Variants in NTSR1 observed in about 807,000 individuals in gnomAD.
NTSR1 encodes the protein neurotensin receptor type 1.
Under a neutral mutation model 31.2 loss-of-function variants are expected in NTSR1, and 29 were observed. The ratio of observed to expected loss-of-function variants is 0.93; its 90% CI spans 0.69 to 1.27. The LOEUF is 1.27. NTSR1 is among the 50% of genes most tolerant of loss of function. The probability of loss-of-function intolerance (pLI) is 0.00; values close to 1 mark genes in which losing one functional copy is unlikely to be tolerated. For synonymous variants in NTSR1, 282 were observed against 269.9 expected, an observed-to-expected ratio of 1.04 and a Z score of -0.44; for missense variants, 697 against 595.4, an observed-to-expected ratio of 1.17 and a Z score of -1.78.
chr20:62,741,244 G>A lies in NTSR1; in HGVS notation c.715-13441G>A, dbSNP rs574337339. On this transcript the variant is annotated intron_variant, in intron 1 of 3. Transcript: ENST00000370501. The surrounding 1 kb of genome is among the most constrained non-coding windows in gnomAD (Gnocchi z 4.3). ...CTGCTGCCAGTCCCGCAGCTCAGCC[G>A]GGCACAGACAGGATGTGGCTTCCAG... 7.9e-5 allele frequency among the ~76,000 whole-genome samples: 12 copies of A among 152,342 alleles called. No homozygotes were observed. The highest frequency in any genetic ancestry group is 2.1e-4 in the South Asian group (1 of 4,830).
At chr20:62,721,529 C>G (rs1988827841) in intron 1 of NTSR1, among the ~76,000 whole-genome samples, 1 of 152,228 alleles carries the variant, frequency 6.6e-6, no homozygotes, top group African/African-American at 2.4e-5. Context: ...GGTTCCAATG[C>G]AGGCCTGTTT....
At position 62,709,231 on chromosome 20, in the gene NTSR1, G is replaced by A. The variant is rs1189100312; in HGVS notation, c.24G>A (p.Pro8=). Residue 8 remains proline (P), a synonymous_variant, in exon 1 of 4, where the codon CCG becomes CCA. Transcript: ENST00000370501. ...CCATGCGCCTCAACAGCTCCGCGCC[G>A]GGAACCCCGGGCACGCCGGCCGCCG... The part of the protein sequence containing the change: MRLNSSA[P]GTPGTPAADP... 2.7e-6 allele frequency: 4 copies of A among 1,490,294 alleles called. No homozygotes were observed. The highest frequency in any genetic ancestry group is 1.3e-5 in the South Asian group (1 of 76,280). The allele number at this position is 1,490,294 out of a possible 1,614,324, so 92.3% of individuals were successfully genotyped here.
chr20:62,709,521 TG>T lies in NTSR1; in HGVS notation c.317del (p.Gly106AlafsTer57). On this transcript the variant is annotated frameshift_variant, in exon 1 of 4. Transcript: ENST00000370501. LOFTEE classifies it high-confidence loss of function. Reference protein sequence around the residue: ...QSLQSTVHYHLGSLALSDLLT... With the variant: ...QSLQSTVHYHXGSLALSDLLT... Reference sequence around the variant, plus strand: ...CTGCAGAGCACGGTGCATTACCACCTGGGCAGCCTGGCGCTGTCCGACCTGC... The same window carrying T: ...CTGCAGAGCACGGTGCATTACCACCTGGCAGCCTGGCGCTGTCCGACCTGC... 6.2e-7 allele frequency: 1 copy of T among 1,612,424 alleles called. No homozygotes were observed. Among genetic ancestry groups the T allele is most frequent in the Middle Eastern group, 1.7e-4 (1 of 6,060 alleles).
rs1323845118 is a variant in NTSR1, at chr20:62,745,354, CAGAGACAGAGAT to C, written c.715-9319_715-9308del. Among the ~76,000 whole-genome samples the C allele has an allele frequency of 2.0e-5, 3 of 151,400 alleles. No homozygotes were observed. Among genetic ancestry groups the C allele is most frequent in the East Asian group, 3.9e-4 (2 of 5,162 alleles). On this transcript the variant is annotated intron_variant, in intron 1 of 3. Transcript: ENST00000370501. The surrounding 1 kb of genome is among the most constrained non-coding windows in gnomAD (Gnocchi z 4.1). ...ACAGAGATACAGAGACACAAGAAAACAGAGACAGAGATAGAGACAGAGACACAGAGATATAGA... is the reference window on the plus strand; with the variant it reads ...ACAGAGATACAGAGACACAAGAAAACAGAGACAGAGACACAGAGATATAGA...
chr20:62,760,104 A>G lies in NTSR1; in HGVS notation c.1094A>G (p.Asn365Ser), dbSNP rs750915516. ...VSSTINPILYNLVSANFRHIF... is the reference protein window; with the variant it reads ...VSSTINPILYSLVSANFRHIF... ...TCCACCATCAACCCCATCCTGTACA[A>G]CCTCGTCTCTGCCAACTTCCGCCAC... Residue 365 changes from asparagine to serine, a missense_variant, in exon 4 of 4, where the codon AAC becomes AGC. Asn to Ser is a conservative substitution (Grantham distance 46). Coordinates refer to ENST00000370501, the MANE Select transcript of NTSR1 (RefSeq NM_002531.3). 6.2e-7 allele frequency: 1 copy of G among 1,613,816 alleles called. No individual in the cohort carries two copies. The highest frequency in any genetic ancestry group is 8.5e-7 in the Non-Finnish European group (1 of 1,179,952).
intron 1 of NTSR1, among the ~76,000 whole-genome samples, chr20:62,751,991 C>T (rs1989401469): frequency 6.6e-6 from 1 of 152,234 alleles, no homozygotes; most frequent in Non-Finnish European, 1.5e-5. Context: ...CAGTGGCTGG[C>T]AAGGCTGACG....
At chr20:62,759,206 G>C (rs1248984496) in intron 3 of NTSR1, among the ~76,000 whole-genome samples, 2 of 152,226 alleles carry the variant, frequency 1.3e-5, no homozygotes, top group African/African-American at 4.8e-5. Context: ...GGGGAACAGA[G>C]TGTGGCCCCT....
chr20:62,754,696 C>T lies in NTSR1; in HGVS notation c.726C>T (p.Phe242=). Residue 242 remains phenylalanine (F), a synonymous_variant, in exon 2 of 4, where the codon TTC becomes TTT. Coordinates refer to ENST00000370501, the MANE Select transcript of NTSR1 (RefSeq NM_002531.3). ...TVKVVIQVNT[F]MSFIFPMVVI... ...TTCCTCTCCTGCAGGTCAACACCTT[C>T]ATGTCCTTCATATTCCCCATGGTGG... is the stretch of plus-strand genomic sequence containing the variant. 6.2e-7 allele frequency: 1 copy of T among 1,612,490 alleles called. No individual in the cohort carries two copies. Among genetic ancestry groups the T allele is most frequent in the Non-Finnish European group, 8.5e-7 (1 of 1,179,710 alleles).
intron 1 of NTSR1, among the ~76,000 whole-genome samples, chr20:62,740,573 G>A (rs995139907): frequency 2.6e-5 from 4 of 152,224 alleles, no homozygotes; most frequent in Non-Finnish European, 4.4e-5. Flanking sequence ...CAGTCTGAGG[G>A]TGGAGACCAG....
chr20:62,751,182 A>G (rs923724530), intron 1 of NTSR1, among the ~76,000 whole-genome samples: 1 of 152,206 alleles, frequency 6.6e-6, no homozygotes, highest in African/African-American at 2.4e-5. Context: ...TGGCCAATAG[A>G]TACAATTTTT....
rs1373522820 is a variant in NTSR1, at chr20:62,732,360, C to G, written c.715-22325C>G. ...CAAGCTGAGGGAGTTCCCTTGTATT[C>G]CTGGCTTGTGAAAGGTTTTTCTCAC... On this transcript the variant is annotated intron_variant, in intron 1 of 3. Coordinates refer to ENST00000370501, the MANE Select transcript of NTSR1 (RefSeq NM_002531.3). The surrounding 1 kb of genome is among the most constrained non-coding windows in gnomAD (Gnocchi z 4.0). Among the ~76,000 whole-genome samples, 3 of 152,176 alleles carry G rather than the reference C, an allele frequency of 2.0e-5. No homozygotes were observed. The highest frequency in any genetic ancestry group is 4.4e-5 in the Non-Finnish European group (3 of 68,034).
At position 62,742,607 on chromosome 20, in the gene NTSR1, C is replaced by T. The variant is rs1468670337; in HGVS notation, c.715-12078C>T. On this transcript the variant is annotated intron_variant, in intron 1 of 3. Transcript: ENST00000370501. This position sits in a 1 kb window ranked among gnomAD's most constrained non-coding sequence, Gnocchi z 7.1. ...TGCCTTCCGTCCTCTGCTCCCCAGA[C>T]ACCTGTTTACACAGGGCCCTAGGTC... 2.0e-5 allele frequency among the ~76,000 whole-genome samples: 3 copies of T among 149,580 alleles called. 1 individual carries two copies. In the East Asian group the frequency reaches 6.7e-4, roughly 34 times the overall value.
At chr20:62,725,381 G>A (rs907875211) in intron 1 of NTSR1, among the ~76,000 whole-genome samples, 3 of 152,266 alleles carry the variant, frequency 2.0e-5, no homozygotes, top group African/African-American at 7.2e-5. Context: ...GGCCATGCGA[G>A]ACACAGTGGG....
At position 62,758,414 on chromosome 20, in the gene NTSR1, T is replaced by A. The variant is rs762389808; in HGVS notation, c.1007+58T>A. 2.0e-6 allele frequency: 3 copies of A among 1,481,322 alleles called. No individual in the cohort carries two copies. The highest frequency in any genetic ancestry group is 2.8e-5 in the African/African-American group (2 of 72,460). The allele number at this position is 1,481,322 out of a possible 1,614,324, so 91.8% of individuals were successfully genotyped here. On this transcript the variant is annotated intron_variant, in intron 3 of 3. Transcript: ENST00000370501. The surrounding 1 kb of genome is among the most constrained non-coding windows in gnomAD (Gnocchi z 4.5). ...GACAAGTAAGTGCTCCCAAAACAGA[T>A]GGTGGGTGTGGCAGGCACTGCTGAG...
chr20:62,739,713 G>A (rs1341894210), intron 1 of NTSR1, among the ~76,000 whole-genome samples: 1 of 152,274 alleles, frequency 6.6e-6, no homozygotes, highest in Non-Finnish European at 1.5e-5. Context: ...ACGGCGGCCA[G>A]CTTTGCCAGG....
At position 62,762,732 on chromosome 20, in the gene NTSR1, G is replaced by GTT. The variant is rs1989649047; in HGVS notation, c.*2466_*2467insTT. The GTT allele has an allele frequency of 6.6e-6, 1 of 152,184 alleles. No individual in the cohort carries two copies. The highest frequency in any genetic ancestry group is 1.5e-5 in the Non-Finnish European group (1 of 68,036). 9.4% of individuals were successfully genotyped at this position (152,184 alleles called of 1,614,324 possible). ...TGCAGGTGGTGAAAACAAACCCCGT[G>GTT]TATCTCTCAATAAAGGTGGCCGAAG... On this transcript the variant is annotated 3_prime_UTR_variant, in exon 4 of 4. Coordinates refer to ENST00000370501, the MANE Select transcript of NTSR1 (RefSeq NM_002531.3).
chr20:62,737,368 T>G (rs1438138939), intron 1 of NTSR1, among the ~76,000 whole-genome samples: 1 of 152,168 alleles, frequency 6.6e-6, no homozygotes. Context: ...ACAGAAAGCA[T>G]TCACCCACCC....
chr20:62,754,663 C>G, intron 1 of NTSR1, 22 bp from the exon 2 acceptor site: 1 of 1,603,094 alleles, frequency 6.2e-7, no homozygotes, highest in Non-Finnish European at 8.5e-7. Flanking sequence ...GCTCTGACAG[C>G]CTCGCCCTTC....
At chr20:62,712,585 C>T (rs1200019608) in intron 1 of NTSR1, among the ~76,000 whole-genome samples, 1 of 152,176 alleles carries the variant, frequency 6.6e-6, no homozygotes, top group Non-Finnish European at 1.5e-5. Context: ...GCAGGGCTCT[C>T]AGGTCAGCAG....
Sources: allele counts gnomAD v4.1 joint callset (sites outside exome capture counted in the v4.1 genomes callset), GRCh38; gene constraint gnomAD v4.1.1; non-coding constraint Gnocchi (gnomAD v3.1); transcripts MANE v1.5; gene names NCBI Gene and HGNC (gene_info 2026-07-23, HGNC 2026-07-21).